COPS3: variants seen among roughly 807,000 people sequenced by gnomAD.
COPS3 encodes COP9 signalosome subunit 3, also known as COP9 signalosome complex subunit 3.
A neutral mutation model predicts 58.2 loss-of-function variants in COPS3; 10 were observed. The ratio of observed to expected loss-of-function variants is 0.17; its 90% CI spans 0.11 to 0.29. The LOEUF is 0.29. Among genes scored for constraint, COPS3 ranks in the 10% least tolerant of loss-of-function variants. COPS3 has a pLI of 1.00. For synonymous variants in COPS3, 187 were observed against 181.7 expected (o/e 1.03, Z -0.24); for missense variants, 333 against 510.1 (o/e 0.65, Z 3.34).
chr17:17,254,866 A>C lies in COPS3; in HGVS notation c.1016T>G (p.Leu339Arg). 6.3e-7 allele frequency: 1 copy of C among 1,591,420 alleles called. No individual in the cohort carries two copies. The highest frequency in any genetic ancestry group is 8.6e-7 in the Non-Finnish European group (1 of 1,161,322). The change falls in exon 9 of 12, where the codon CTG becomes CGG. Residue 339 changes from leucine to arginine, a missense_variant. Coordinates refer to ENST00000268717, the MANE Select transcript of COPS3 (RefSeq NM_003653.4). ...AAAAGAAAATCCACTTACCATGTGC[A>C]GAACGTATTTCTCTGCCTCCTGAGG... ...SGPQEAEKYVLHMIEDGEIFA... is the reference protein window; with the variant it reads ...SGPQEAEKYVRHMIEDGEIFA...
At chr17:17,277,777 C>T (rs1225693920) in intron 1 of COPS3, among the ~76,000 whole-genome samples, 1 of 152,114 alleles carries the variant, frequency 6.6e-6, no homozygotes, top group Non-Finnish European at 1.5e-5. Context: ...AGGCCTCAGC[C>T]GGGTGCTGTG....
At chr17:17,251,289 C>G (rs565157644) in intron 9 of COPS3, among the ~76,000 whole-genome samples, 1 of 150,458 alleles carries the variant, frequency 6.6e-6, no homozygotes. Context: ...CCACCATACC[C>G]GGCCTATTTA....
At chr17:17,249,989 CATCTCT>C in intron 9 of COPS3, among the ~76,000 whole-genome samples, 1 of 152,144 alleles carries the variant, frequency 6.6e-6, no homozygotes, top group East Asian at 1.9e-4. Flanking sequence ...GTGCCACCAC[CATCTCT>C]ATCTAGTTCT....
At chr17:17,255,494 A>AAAAAAAAC (rs2047950882) in intron 8 of COPS3, among the ~76,000 whole-genome samples, 1 of 151,294 alleles carries the variant, frequency 6.6e-6, no homozygotes. Flanking sequence ...TCAAAAAAAA[A>AAAAAAAAC]AGTGTACAGA....
intron 7 of COPS3, among the ~76,000 whole-genome samples, chr17:17,261,199 A>G (rs1160207975): frequency 6.6e-6 from 1 of 152,198 alleles, no homozygotes. Flanking sequence ...ACCTCACCAG[A>G]TGCAACAGGA....
At chr17:17,264,051 C>T (rs759241846) in intron 6 of COPS3, among the ~76,000 whole-genome samples, 25 of 152,354 alleles carry the variant, frequency 1.6e-4, no homozygotes, top group South Asian at 2.1e-4. Context: ...CTCCTCAGGT[C>T]CCCTCAACAG....
chr17:17,253,891 T>C (rs185401742), intron 9 of COPS3, among the ~76,000 whole-genome samples: 81 of 152,236 alleles, frequency 5.3e-4, no homozygotes, highest in Non-Finnish European at 1.0e-4. Context: ...CTCGGGAGGC[T>C]GAGACAGGAG....
In COPS3 at chr17:17,254,958, A is replaced by T. The variant is rs371281393; in HGVS notation, c.937-13T>A. On this transcript the variant is annotated splice_polypyrimidine_tract_variant and intron_variant, in intron 8 of 11. Coordinates refer to ENST00000268717, the MANE Select transcript of COPS3 (RefSeq NM_003653.4). ...GAGTTAAAAAGGTCTGAAAGTCAGA[A>T]GCAGAATTAGTCACAGGTAGGAACA... 1 of 1,584,994 alleles carries T rather than the reference A, an allele frequency of 6.3e-7. No homozygotes were observed. The highest frequency in any genetic ancestry group is 8.7e-7 in the Non-Finnish European group (1 of 1,154,698).
chr17:17,281,092 G>A (rs781753722), intron 1 of COPS3, 40 bp downstream of exon 1: 4 of 1,592,620 alleles, frequency 2.5e-6, no homozygotes, highest in Non-Finnish European at 2.6e-6. Context: ...GCCAGTTCCC[G>A]GTACCCGCCC....
intron 9 of COPS3, among the ~76,000 whole-genome samples, chr17:17,252,245 A>C (rs1305940708): frequency 6.6e-6 from 1 of 152,136 alleles, no homozygotes; most frequent in East Asian, 1.9e-4. Context: ...TTTACTTTAA[A>C]AAACAAACAA....
intron 4 of COPS3, among the ~76,000 whole-genome samples, chr17:17,268,866 A>ATATG (rs1491308806): frequency 6.8e-6 from 1 of 147,968 alleles, no homozygotes. Context: ...ATATATATAT[A>ATATG]TGTGAAGAGA....
At chr17:17,275,785 T>C (rs2048448447) in intron 2 of COPS3, among the ~76,000 whole-genome samples, 1 of 151,904 alleles carries the variant, frequency 6.6e-6, no homozygotes, top group Non-Finnish European at 1.5e-5. Flanking sequence ...CTACTAAAAA[T>C]ACAAAAATTA....
Position 17,270,980 on chromosome 17 carries a change from G to C in COPS3, c.214C>G (p.Pro72Ala). Residue 72 changes from proline to alanine, a missense_variant, in exon 3 of 12, where the codon CCT (proline) becomes GCT (alanine). Pro to Ala is a conservative substitution (Grantham distance 27). Transcript: ENST00000268717. ...TGTGAGAATAGCGTTTCGAAGTCAG[G>C]AACACTGGGCATAGAAAACTTCACA... ...LFVKFSMPSV[P>A]DFETLFSQVQ... 1 of 1,613,896 alleles carries C rather than the reference G, an allele frequency of 6.2e-7. No homozygotes were observed.
chr17:17,262,846 T>C (rs2048132315), intron 6 of COPS3, among the ~76,000 whole-genome samples: 1 of 152,042 alleles, frequency 6.6e-6, no homozygotes, highest in South Asian at 2.1e-4. Flanking sequence ...TGCTCCCACT[T>C]CAGCATCCCA....
intron 1 of COPS3, among the ~76,000 whole-genome samples, chr17:17,278,614 A>G (rs1403036607): frequency 2.0e-5 from 3 of 152,206 alleles, no homozygotes; most frequent in Non-Finnish European, 4.4e-5. Flanking sequence ...TTCTAGTTGA[A>G]TAATTTGCCT....
chr17:17,278,526 G>C (rs1054121469), intron 1 of COPS3, among the ~76,000 whole-genome samples: 2 of 152,148 alleles, frequency 1.3e-5, no homozygotes, highest in Non-Finnish European at 2.9e-5. Context: ...GTCACCTCTT[G>C]AGATCACACA....
Position 17,268,489 on chromosome 17 carries a change from G to A in COPS3, c.349-512C>T, listed in dbSNP as rs191137132. On this transcript the variant is annotated intron_variant, in intron 4 of 11. Transcript: ENST00000268717. ...TATAAATAAGAAGACCAAGTGTCAAGTAAGGCATAATCAGTTTTTGGCAGA... is the reference window on the plus strand; with the variant it reads ...TATAAATAAGAAGACCAAGTGTCAAATAAGGCATAATCAGTTTTTGGCAGA... Among the ~76,000 whole-genome samples the A allele has an allele frequency of 2.0e-3, 309 of 152,266 alleles. 1 individual carries two copies. The highest frequency in any genetic ancestry group is 4.9e-3 in the African/African-American group (202 of 41,550).
At chr17:17,270,015 G>C (rs1184971926) in intron 4 of COPS3, among the ~76,000 whole-genome samples, 1 of 152,058 alleles carries the variant, frequency 6.6e-6, no homozygotes, top group Admixed American at 6.6e-5. Context: ...AATTAGCTGG[G>C]CGTGGCAGCA....
chr17:17,277,136 C>A (rs1305117405), intron 1 of COPS3, among the ~76,000 whole-genome samples: 1 of 152,192 alleles, frequency 6.6e-6, no homozygotes, highest in Non-Finnish European at 1.5e-5. Context: ...TTCTCCCCCA[C>A]ATCCTCTGCT....
Sources: gnomAD v4.1 joint callset for allele counts (sites outside exome capture counted in the v4.1 genomes callset) on GRCh38, gnomAD v4.1.1 for gene constraint, MANE v1.5 for transcripts, NCBI Gene and HGNC (gene_info 2026-07-23, HGNC 2026-07-21) for gene names.